PCDH9: variants seen among roughly 807,000 people sequenced by gnomAD.
The protein encoded by PCDH9 is protocadherin 9.
PCDH9 carries 24 observed loss-of-function variants against 70.6 expected under a neutral mutation model. The ratio of observed to expected loss-of-function variants is 0.34; its 90% CI spans 0.25 to 0.48. PCDH9 has a LOEUF of 0.48. Among genes scored for constraint, PCDH9 ranks in the 20% least tolerant of loss-of-function variants. PCDH9 has a pLI of 0.99. For synonymous variants in PCDH9, 562 were observed against 558.5 expected, an observed-to-expected ratio of 1.01 and a Z score of -0.09; for missense variants, 1,281 against 1,503.6, an observed-to-expected ratio of 0.85 and a Z score of 2.45.
At chr13:66,319,584 T>G (rs1242866374) in intron 4 of PCDH9, among the ~76,000 whole-genome samples, 2 of 151,802 alleles carry the variant, frequency 1.3e-5, no homozygotes, top group Non-Finnish European at 2.9e-5. Context: ...ATGGTGAAAT[T>G]AAACTAATAA....
At chr13:67,207,611 C>G (rs2089381972) in intron 2 of PCDH9, 1 of 152,128 alleles carries the variant, frequency 6.6e-6, no homozygotes, top group African/African-American at 2.4e-5. Flanking sequence ...ATAATGGTAC[C>G]AAGGTGAATG....
chr13:67,155,337 G>A (rs549471628), intron 2 of PCDH9, among the ~76,000 whole-genome samples: 1 of 152,092 alleles, frequency 6.6e-6, no homozygotes, highest in East Asian at 1.9e-4. Context: ...TTGTTATAAG[G>A]TTTTGAAATT....
intron 3 of PCDH9, among the ~76,000 whole-genome samples, chr13:66,666,222 C>G (rs1331560150): frequency 1.3e-5 from 2 of 152,176 alleles, no homozygotes; most frequent in Non-Finnish European, 2.9e-5. Flanking sequence ...GTGGAGCAGG[C>G]TTTTCGCTGG....
intron 3 of PCDH9, among the ~76,000 whole-genome samples, chr13:66,676,415 A>G (rs1415713272): frequency 6.6e-6 from 1 of 152,140 alleles, no homozygotes; most frequent in East Asian, 1.9e-4. Context: ...TTAAGTCAGT[A>G]TCAAATAATT....
At chr13:67,201,325 G>A (rs1325204326) in intron 2 of PCDH9, 1 of 151,918 alleles carries the variant, frequency 6.6e-6, no homozygotes, top group Non-Finnish European at 1.5e-5. Flanking sequence ...TATACATTTT[G>A]ATATACAACT....
intron 3 of PCDH9, among the ~76,000 whole-genome samples, chr13:66,713,212 C>T (rs114600888): frequency 8.7e-4 from 132 of 152,158 alleles, no homozygotes; most frequent in Non-Finnish European, 1.7e-3. Flanking sequence ...GTGATCTTAC[C>T]AAGAGGTTTT....
At chr13:67,174,354 G>A (rs1000413557) in intron 2 of PCDH9, among the ~76,000 whole-genome samples, 1 of 143,224 alleles carries the variant, frequency 7.0e-6, no homozygotes, top group African/African-American at 2.6e-5. Flanking sequence ...TACAGACGAA[G>A]GGAGGGAAGA....
intron 3 of PCDH9, among the ~76,000 whole-genome samples, chr13:66,863,737 G>A (rs2081523512): frequency 6.6e-6 from 1 of 152,072 alleles, no homozygotes; most frequent in African/African-American, 2.4e-5. Flanking sequence ...TGCCCAAAGT[G>A]ATCTGCCTCA....
intron 3 of PCDH9, among the ~76,000 whole-genome samples, chr13:66,883,049 T>C (rs182511758): frequency 6.8e-4 from 103 of 152,284 alleles, no homozygotes; most frequent in African/African-American, 2.4e-3. Flanking sequence ...TTCTCATCTT[T>C]TATTTTCAAC....
intron 3 of PCDH9, among the ~76,000 whole-genome samples, chr13:66,679,972 A>T (rs565231818): frequency 2.0e-5 from 3 of 151,992 alleles, no homozygotes; most frequent in African/African-American, 7.2e-5. Context: ...ACTACTAAAA[A>T]ATTCTGATAA....
chr13:67,083,764 T>C (rs891528732), intron 2 of PCDH9, among the ~76,000 whole-genome samples: 1 of 152,166 alleles, frequency 6.6e-6, no homozygotes, highest in African/African-American at 2.4e-5. Context: ...TTCTAGAAAC[T>C]GCCTTTATGA....
chr13:66,984,268 T>A (rs2083842545), intron 2 of PCDH9, among the ~76,000 whole-genome samples: 1 of 152,172 alleles, frequency 6.6e-6, no homozygotes, highest in Non-Finnish European at 1.5e-5. Flanking sequence ...TGGAATAACA[T>A]TTGCCATCTA....
At chr13:67,031,611 A>T (rs1470736389) in intron 2 of PCDH9, among the ~76,000 whole-genome samples, 1 of 152,180 alleles carries the variant, frequency 6.6e-6, no homozygotes. Flanking sequence ...TGAACCTGGG[A>T]GATGGAGGTT....
At chr13:66,662,271 G>A (rs999300956) in intron 3 of PCDH9, among the ~76,000 whole-genome samples, 21 of 151,924 alleles carry the variant, frequency 1.4e-4, no homozygotes, top group African/African-American at 4.1e-4. Context: ...TTGGGAGTTC[G>A]AGACCAGCCT....
intron 3 of PCDH9, among the ~76,000 whole-genome samples, chr13:66,825,535 C>T (rs1173583200): frequency 1.3e-5 from 2 of 151,210 alleles, no homozygotes; most frequent in South Asian, 2.1e-4. Context: ...CGGGGTTTCA[C>T]CGTGTTAGCC....
At chr13:66,564,799 TTATC>T (rs2076627961) in intron 4 of PCDH9, among the ~76,000 whole-genome samples, 2 of 152,078 alleles carry the variant, frequency 1.3e-5, no homozygotes, top group Admixed American at 6.6e-5. Context: ...TCTACAGCTT[TTATC>T]TATCTCACAA....
chr13:66,515,230 GC>G (rs1255206266), intron 4 of PCDH9, among the ~76,000 whole-genome samples: 1 of 152,086 alleles, frequency 6.6e-6, no homozygotes, highest in East Asian at 1.9e-4. Flanking sequence ...CATTAACCTT[GC>G]TTTGTTCACA....
At chr13:67,148,221 C>T (rs1471292762) in intron 2 of PCDH9, among the ~76,000 whole-genome samples, 3 of 150,058 alleles carry the variant, frequency 2.0e-5, no homozygotes, top group African/African-American at 4.9e-5. Context: ...TTTCATCCTG[C>T]AAAATTACAT....
intron 3 of PCDH9, among the ~76,000 whole-genome samples, chr13:66,863,160 G>T (rs1205424366): frequency 6.6e-6 from 1 of 152,108 alleles, no homozygotes; most frequent in Admixed American, 6.6e-5. Context: ...ACAAACAAAA[G>T]CAAGATACAA....
Sources: gnomAD v4.1 joint callset for allele counts (sites outside exome capture counted in the v4.1 genomes callset) on GRCh38, gnomAD v4.1.1 for gene constraint, MANE v1.5 for transcripts, NCBI Gene and HGNC (gene_info 2026-07-23, HGNC 2026-07-21) for gene names.